CHD7: variants seen among roughly 807,000 people sequenced by gnomAD.
CHD7 encodes the protein chromodomain helicase DNA binding protein 7.
CHD7 carries 24 observed loss-of-function variants against 307.3 expected under a neutral mutation model. The observed-to-expected ratio is 0.08, with a 90% CI of 0.06 to 0.11. CHD7 has a LOEUF of 0.11. Among genes scored for constraint, CHD7 ranks in the 10% least tolerant of loss-of-function variants. The probability of loss-of-function intolerance (pLI) is 1.00; values close to 1 mark genes in which losing one functional copy is unlikely to be tolerated. For synonymous variants in CHD7, 1,363 were observed against 1,349.9 expected (o/e 1.01, Z -0.21); for missense variants, 3,106 against 3,727.1 (o/e 0.83, Z 4.34).
Position 60,865,213 on chromosome 8 carries a change from T to C in CHD7, c.8274T>C (p.Leu2758=), listed in dbSNP as rs903775787. The change falls in exon 38 of 38, where the codon CTT becomes CTC. Residue 2758 remains leucine, a synonymous_variant. Coordinates refer to ENST00000423902, the MANE Select transcript of CHD7 (RefSeq NM_017780.4). The surrounding 1 kb of genome is among the most constrained non-coding windows in gnomAD (Gnocchi z 4.3). ...TTGCTGGAATGGACCTGACGAGCCT[T>C]CAGAATCTCCAGAATCTCCAGTCGC... is the stretch of plus-strand genomic sequence containing the variant. ...SLFAGMDLTS[L]QNLQNLQSLQ... is the part of the protein sequence containing the mutation. 3.7e-6 allele frequency: 6 copies of C among 1,610,680 alleles called. No homozygotes were observed. Among genetic ancestry groups the C allele is most frequent in the Admixed American group, 1.7e-5 (1 of 59,582 alleles).
At chr8:60,720,344 A>T (rs1350314973) in intron 1 of CHD7, among the ~76,000 whole-genome samples, 2 of 152,226 alleles carry the variant, frequency 1.3e-5, no homozygotes, top group East Asian at 3.8e-4. Context: ...TTCATTTTAA[A>T]TATGGTAAAT....
intron 12 of CHD7, among the ~76,000 whole-genome samples, chr8:60,823,408 TAGA>T (rs1804133298): frequency 6.6e-6 from 1 of 151,282 alleles, no homozygotes; most frequent in African/African-American, 2.4e-5. Context: ...GATAGATAGA[TAGA>T]TAGATAGATA....
intron 1 of CHD7, among the ~76,000 whole-genome samples, chr8:60,730,528 C>G (rs1462743179): frequency 6.6e-6 from 1 of 152,148 alleles, no homozygotes; most frequent in Non-Finnish European, 1.5e-5. Flanking sequence ...GTTTCAGTTT[C>G]AGTGGTTTCA....
chr8:60,782,672 T>G (rs1219411347), intron 3 of CHD7, among the ~76,000 whole-genome samples: 3 of 152,190 alleles, frequency 2.0e-5, no homozygotes, highest in African/African-American at 7.2e-5. Context: ...GTCTCCTAAT[T>G]GAAAACCATC....
At chr8:60,779,793 C>G (rs1028916910) in intron 2 of CHD7, among the ~76,000 whole-genome samples, 1 of 152,196 alleles carries the variant, frequency 6.6e-6, no homozygotes, top group Non-Finnish European at 1.5e-5. Context: ...GCTATTGGCT[C>G]TGATGGCAGT....
In CHD7 at chr8:60,830,525, A is replaced by G. The variant is rs764180496; in HGVS notation, c.3726A>G (p.Leu1242=). The change falls in exon 15 of 38, where the codon TTA becomes TTG. Residue 1242 remains leucine, a synonymous_variant. Transcript: ENST00000423902. ...GTCAAGCTAACGTACCTAACCTATT[A>G]AACACTATGATGGAATTGCGGAAGT... ...GGGQANVPNL[L]NTMMELRKCC... is the part of the protein sequence containing the mutation. The G allele has an allele frequency of 6.2e-7, 1 of 1,613,888 alleles. No individual in the cohort carries two copies. Among genetic ancestry groups the G allele is most frequent in the African/African-American group, 1.3e-5 (1 of 74,928 alleles).
chr8:60,783,872 G>A (rs140423179), intron 3 of CHD7, among the ~76,000 whole-genome samples: 10 of 152,282 alleles, frequency 6.6e-5, no homozygotes, highest in Middle Eastern at 3.4e-3. Flanking sequence ...GGGTGGTAAG[G>A]ACATTCCTGA....
chr8:60,743,469 C>T (rs1340522049), intron 2 of CHD7, among the ~76,000 whole-genome samples: 1 of 152,200 alleles, frequency 6.6e-6, no homozygotes, highest in Non-Finnish European at 1.5e-5. Flanking sequence ...TACACTGACA[C>T]TTGGTTTCTA....
intron 3 of CHD7, among the ~76,000 whole-genome samples, chr8:60,790,148 G>A (rs185567795): frequency 2.0e-5 from 3 of 152,232 alleles, no homozygotes; most frequent in Non-Finnish European, 2.9e-5. Context: ...ACAAGGGCTT[G>A]TCTAAAATGA....
At chr8:60,727,607 C>T (rs1248636445) in intron 1 of CHD7, among the ~76,000 whole-genome samples, 1 of 152,118 alleles carries the variant, frequency 6.6e-6, no homozygotes, top group South Asian at 2.1e-4. Context: ...TGGCTGACTC[C>T]TCTGCCTGCC....
At chr8:60,680,664 A>G (rs924052527) in intron 1 of CHD7, among the ~76,000 whole-genome samples, 2 of 152,168 alleles carry the variant, frequency 1.3e-5, no homozygotes, top group African/African-American at 4.8e-5. Context: ...CCTGGAGGTC[A>G]CTTTTAGAGA....
chr8:60,752,859 G>C (rs893107091), intron 2 of CHD7, among the ~76,000 whole-genome samples: 3 of 152,170 alleles, frequency 2.0e-5, no homozygotes, highest in Non-Finnish European at 4.4e-5. Flanking sequence ...TAAACTGTGG[G>C]GAACTAACTT....
intron 21 of CHD7, among the ~76,000 whole-genome samples, chr8:60,842,962 AC>A (rs1156280220): frequency 6.6e-6 from 1 of 151,560 alleles, no homozygotes; most frequent in Non-Finnish European, 1.5e-5. Flanking sequence ...TGCCTAGAGG[AC>A]CCCCCACTTG....
chr8:60,803,237 C>T (rs996064177), intron 6 of CHD7, among the ~76,000 whole-genome samples: 3 of 152,060 alleles, frequency 2.0e-5, no homozygotes, highest in Non-Finnish European at 2.9e-5. Context: ...AATAGCATGT[C>T]GTTTAGATGG....
chr8:60,782,960 A>G (rs1400848002), intron 3 of CHD7, among the ~76,000 whole-genome samples: 1 of 152,204 alleles, frequency 6.6e-6, no homozygotes, highest in Non-Finnish European at 1.5e-5. Flanking sequence ...AATCTTAAAA[A>G]GAATATAATC....
chr8:60,741,574 G>A lies in CHD7; in HGVS notation c.142G>A (p.Ala48Thr). 1 of 1,613,610 alleles carries A rather than the reference G, an allele frequency of 6.2e-7. No individual in the cohort carries two copies. The highest frequency in any genetic ancestry group is 8.5e-7 in the Non-Finnish European group (1 of 1,179,742). ...GQQMPIDQGF[A>T]SLQPSLHHPS... Reference sequence around the variant, plus strand: ...GCAAATGCCAATAGACCAAGGCTTTGCCTCTTTACAGCCATCCCTTCATCA... The same window carrying A: ...GCAAATGCCAATAGACCAAGGCTTTACCTCTTTACAGCCATCCCTTCATCA... Residue 48 changes from alanine (A) to threonine (T), a missense_variant, in exon 2 of 38, where the codon GCC (alanine) becomes ACC (threonine). Physicochemically the swap from Ala to Thr is moderately conservative, Grantham distance 58. This residue lies in a region of CHD7 where 998 missense variants were observed against 1,004.5 expected (regional missense o/e 0.99). Transcript: ENST00000423902.
At position 60,866,067 on chromosome 8, in the gene CHD7, G is replaced by T; in HGVS notation, c.*134G>T. On this transcript the variant is annotated 3_prime_UTR_variant, in exon 38 of 38. Coordinates refer to ENST00000423902, the MANE Select transcript of CHD7 (RefSeq NM_017780.4). ...TAGTGTAGCAAAAAAAAAAGTTCAA[G>T]TCATGTTATACAGGTGTGTCAAAAG... is the stretch of plus-strand genomic sequence containing the variant. 1 of 760,212 alleles carries T rather than the reference G, an allele frequency of 1.3e-6. No homozygotes were observed. 47.1% of individuals were successfully genotyped at this position (760,212 alleles called of 1,614,324 possible).
intron 1 of CHD7, among the ~76,000 whole-genome samples, chr8:60,706,501 A>T (rs1165395643): frequency 6.6e-6 from 1 of 152,226 alleles, no homozygotes; most frequent in Non-Finnish European, 1.5e-5. Context: ...ACAAGGGGTA[A>T]TACTAGACTA....
In CHD7 at chr8:60,742,527, G is replaced by C. The variant is rs376900677; in HGVS notation, c.1095G>C (p.Gln365His). Reference sequence around the variant, plus strand: ...GTGGTCAAGGACTAATGCACCAGCAGCCCATCCACCCCAGTGGCTCACTTA... The same window carrying C: ...GTGGTCAAGGACTAATGCACCAGCACCCCATCCACCCCAGTGGCTCACTTA... ...SNSGQGLMHQ[Q>H]PIHPSGSLNQ... Residue 365 changes from glutamine to histidine, a missense_variant, in exon 2 of 38, where the codon CAG becomes CAC. Gln to His is a conservative substitution (Grantham distance 24). Around this residue, in one of 10 missense-constraint regions of CHD7, gnomAD observed 998 missense variants for 1,004.5 expected, o/e 0.99. Transcript: ENST00000423902. 108 of 1,613,884 alleles carry C rather than the reference G, an allele frequency of 6.7e-5. No homozygotes were observed. The highest frequency in any genetic ancestry group is 8.6e-5 in the Non-Finnish European group (102 of 1,179,910).
Sources: gnomAD v4.1 joint callset for allele counts (sites outside exome capture counted in the v4.1 genomes callset) on GRCh38, gnomAD v4.1.1 for gene constraint, gnomAD v4.1.1 regional missense constraint, Gnocchi (gnomAD v3.1) non-coding constraint, MANE v1.5 for transcripts, NCBI Gene and HGNC (gene_info 2026-07-23, HGNC 2026-07-21) for gene names.